CNTNAP2: variants seen among roughly 807,000 people sequenced by gnomAD.
CNTNAP2 encodes the protein contactin-associated protein-like 2.
CNTNAP2 carries 98 observed loss-of-function variants against 155.2 expected under a neutral mutation model. That is an observed-to-expected ratio of 0.63 (90% CI 0.54 to 0.75). The LOEUF is 0.75. CNTNAP2 is among the 30% of genes least tolerant of loss of function. The pLI is 0.00. For synonymous variants in CNTNAP2, 651 were observed against 631.2 expected (o/e 1.03, Z -0.47); for missense variants, 1,727 against 1,688.1 (o/e 1.02, Z -0.40).
intron 18 of CNTNAP2, among the ~76,000 whole-genome samples, chr7:148,208,795 C>T (rs1005151914): frequency 6.6e-6 from 1 of 152,094 alleles, no homozygotes; most frequent in Admixed American, 6.5e-5. Flanking sequence ...GCATTCTAAC[C>T]TATTGGTCAG....
intron 3 of CNTNAP2, among the ~76,000 whole-genome samples, chr7:146,888,931 G>A (rs1358939914): frequency 6.6e-6 from 1 of 152,024 alleles, no homozygotes; most frequent in East Asian, 1.9e-4. Context: ...CAAGCACAGT[G>A]CCTATAGCTA....
Position 148,418,481 on chromosome 7 carries a change from G to C in CNTNAP2, c.*2865G>C, listed in dbSNP as rs1051740191. The C allele has an allele frequency of 6.6e-6, 1 of 151,774 alleles. No homozygotes were observed. Among genetic ancestry groups the C allele is most frequent in the East Asian group, 1.9e-4 (1 of 5,198 alleles). 9.4% of individuals were successfully genotyped at this position (151,774 alleles called of 1,614,324 possible). A position where few individuals can be genotyped will look rare whatever the true frequency, so the allele number is the denominator to read the frequency against. On this transcript the variant is annotated 3_prime_UTR_variant, in exon 24 of 24. Transcript: ENST00000361727. ...AGACTGTTTTAAAGTTTCAGGGAAAGTTGGTGGCTGATTTAAAGTTGTGCA... is the reference window on the plus strand; with the variant it reads ...AGACTGTTTTAAAGTTTCAGGGAAACTTGGTGGCTGATTTAAAGTTGTGCA...
chr7:146,125,116 A>C (rs1797616043), intron 1 of CNTNAP2, among the ~76,000 whole-genome samples: 1 of 152,192 alleles, frequency 6.6e-6, no homozygotes, highest in African/African-American at 2.4e-5. Flanking sequence ...GGCAGTAATG[A>C]AATTTCCAAA....
At chr7:146,883,555 C>G (rs1233482182) in intron 3 of CNTNAP2, among the ~76,000 whole-genome samples, 1 of 152,084 alleles carries the variant, frequency 6.6e-6, no homozygotes, top group Non-Finnish European at 1.5e-5. Context: ...TTTAGGACAA[C>G]GAAGAGAAGA....
rs979160514 is a variant in CNTNAP2, at chr7:148,201,345, A to C, written c.3011-15943A>C. 2.6e-5 allele frequency among the ~76,000 whole-genome samples: 4 copies of C among 152,222 alleles called. No homozygotes were observed. The South Asian group carries it at 8.3e-4, about 31-fold the overall frequency. On this transcript the variant is annotated intron_variant, in intron 18 of 23. Coordinates refer to ENST00000361727, the MANE Select transcript of CNTNAP2 (RefSeq NM_014141.6). ...CTAATCAAATTGTTTTATTTGTGAG[A>C]GTTCGCTTTAGCTTGCTCTTTATGT...
At chr7:147,415,029 A>G (rs1797169821) in intron 10 of CNTNAP2, among the ~76,000 whole-genome samples, 1 of 151,956 alleles carries the variant, frequency 6.6e-6, no homozygotes, top group Non-Finnish European at 1.5e-5. Flanking sequence ...CAAAGAGGGC[A>G]AGACAAAGTC....
chr7:148,062,003 ATAGAT>A (rs1317467271), intron 15 of CNTNAP2, among the ~76,000 whole-genome samples: 1,957 of 114,322 alleles, frequency 0.017, 156 homozygotes, highest in African/African-American at 0.072. Context: ...AGATAGATAG[ATAGAT>A]GATAGAGAGA....
At chr7:146,377,270 C>T (rs1050645816) in intron 1 of CNTNAP2, among the ~76,000 whole-genome samples, 2 of 152,080 alleles carry the variant, frequency 1.3e-5, no homozygotes, top group African/African-American at 2.4e-5. Flanking sequence ...GGATTTTCGC[C>T]TATAAAAGTT....
At chr7:146,508,601 C>T (rs551425164) in intron 1 of CNTNAP2, among the ~76,000 whole-genome samples, 208 of 152,290 alleles carry the variant, frequency 1.4e-3, no homozygotes, top group African/African-American at 4.5e-3. Flanking sequence ...CCACATGTGG[C>T]CTCCTGTTGT....
chr7:147,993,079 T>C (rs996855144), intron 15 of CNTNAP2, among the ~76,000 whole-genome samples: 4 of 152,230 alleles, frequency 2.6e-5, no homozygotes, highest in Non-Finnish European at 4.4e-5. Flanking sequence ...GCTGAGATGA[T>C]AATGTAACCA....
At chr7:146,263,994 T>C (rs1379672984) in intron 1 of CNTNAP2, among the ~76,000 whole-genome samples, 1 of 152,222 alleles carries the variant, frequency 6.6e-6, no homozygotes, top group Non-Finnish European at 1.5e-5. Flanking sequence ...ACTTAAAGAC[T>C]GTGTCCTTTT....
At chr7:146,802,367 T>A (rs1259813526) in intron 2 of CNTNAP2, among the ~76,000 whole-genome samples, 2 of 152,214 alleles carry the variant, frequency 1.3e-5, no homozygotes, top group African/African-American at 4.8e-5. Flanking sequence ...TCTTTCTGAT[T>A]TCTGCTTTTG....
intron 11 of CNTNAP2, among the ~76,000 whole-genome samples, chr7:147,488,512 T>C (rs916040191): frequency 2.0e-5 from 3 of 151,824 alleles, no homozygotes; most frequent in Admixed American, 6.6e-5. Flanking sequence ...AGCATTCATC[T>C]TGAAAAGAAA....
intron 2 of CNTNAP2, among the ~76,000 whole-genome samples, chr7:146,815,021 A>G (rs979530906): frequency 3.9e-5 from 6 of 152,164 alleles, no homozygotes; most frequent in Admixed American, 3.9e-4. Context: ...TTTTTCAGTT[A>G]TCGAACATGT....
At chr7:147,202,817 G>A (rs1802949044) in intron 8 of CNTNAP2, among the ~76,000 whole-genome samples, 1 of 151,074 alleles carries the variant, frequency 6.6e-6, no homozygotes, top group East Asian at 2.0e-4. Context: ...GGCTGGGGTA[G>A]TGATAGCATT....
chr7:146,348,672 A>T lies in CNTNAP2; in HGVS notation c.97+231699A>T, dbSNP rs368571844. ...TGTTTGGAATAACAAGTTTGTTTTC[A>T]CTAAACATTTCTGATGTATTAATAT... On this transcript the variant is annotated intron_variant, in intron 1 of 23. Coordinates refer to ENST00000361727, the MANE Select transcript of CNTNAP2 (RefSeq NM_014141.6). Among the ~76,000 whole-genome samples the T allele has an allele frequency of 5.3e-5, 8 of 152,010 alleles. No homozygotes were observed. In the East Asian group the frequency reaches 5.8e-4, roughly 11 times the overall value.
In CNTNAP2 at chr7:148,246,513, A is replaced by T. The variant is rs1038429532; in HGVS notation, c.3381+16734A>T. 8.5e-5 allele frequency among the ~76,000 whole-genome samples: 13 copies of T among 152,330 alleles called. No homozygotes were observed. In the East Asian group the frequency reaches 2.3e-3, roughly 27 times the overall value. On this transcript the variant is annotated intron_variant, in intron 20 of 23. Coordinates refer to ENST00000361727, the MANE Select transcript of CNTNAP2 (RefSeq NM_014141.6). Reference sequence around the variant, plus strand: ...TAAAAAGATCAATAAAGTAAAAGCAACTGGGGTTGCTTTACTTAAACACCC... The same window carrying T: ...TAAAAAGATCAATAAAGTAAAAGCATCTGGGGTTGCTTTACTTAAACACCC...
chr7:148,384,466 G>A (rs2116661004), intron 22 of CNTNAP2, among the ~76,000 whole-genome samples: 1 of 152,260 alleles, frequency 6.6e-6, no homozygotes, highest in East Asian at 1.9e-4. Context: ...AAAATTAATT[G>A]GATGAAAAGA....
At chr7:146,737,843 G>A (rs1801647160) in intron 1 of CNTNAP2, among the ~76,000 whole-genome samples, 1 of 151,922 alleles carries the variant, frequency 6.6e-6, no homozygotes, top group Non-Finnish European at 1.5e-5. Context: ...TGGGTGAATT[G>A]TATTCTATTG....
Sources: allele counts gnomAD v4.1 joint callset (sites outside exome capture counted in the v4.1 genomes callset), GRCh38; gene constraint gnomAD v4.1.1; transcripts MANE v1.5; gene names NCBI Gene and HGNC (gene_info 2026-07-23, HGNC 2026-07-21).